DTWD2: variants seen among roughly 807,000 people sequenced by gnomAD.
The protein encoded by DTWD2 is DTW motif tRNA-uridine aminocarboxypropyltransferase 2.
In DTWD2, 39 loss-of-function variants were observed where a neutral mutation model predicts 31.8. The ratio of observed to expected loss-of-function variants is 1.22; its 90% CI spans 0.95 to 1.60. DTWD2 has a LOEUF of 1.60. Ranked by LOEUF, DTWD2 falls within the 40% of genes most tolerant of loss-of-function variation. DTWD2 has a pLI of 0.00. For missense variants in DTWD2, 515 were observed against 381.5 expected (o/e 1.35, Z -2.92); for synonymous variants, 180 against 142.8 (o/e 1.26, Z -1.86).
intron 3 of DTWD2, among the ~76,000 whole-genome samples, chr5:118,937,300 G>T (rs1754064388): frequency 6.7e-6 from 1 of 149,784 alleles, no homozygotes; most frequent in Non-Finnish European, 1.5e-5. Flanking sequence ...ACTGATAAAT[G>T]ACATTGTATA....
chr5:118,960,492 G>A (rs1754681348), intron 1 of DTWD2, among the ~76,000 whole-genome samples: 1 of 152,178 alleles, frequency 6.6e-6, no homozygotes, highest in Admixed American at 6.5e-5. Context: ...ATGTAAATTA[G>A]CTCAGACACT....
At chr5:118,893,406 C>T (rs371836851) in intron 4 of DTWD2, among the ~76,000 whole-genome samples, 2 of 143,274 alleles carry the variant, frequency 1.4e-5, no homozygotes, top group Non-Finnish European at 1.5e-5. Context: ...TAAATGTATA[C>T]GTGTGTGTGT....
At chr5:118,944,807 G>C (rs11959853) in intron 1 of DTWD2, among the ~76,000 whole-genome samples, 158 bp from the exon 2 acceptor site, 3,732 of 152,174 alleles carry the variant, frequency 0.025, 163 homozygotes, top group African/African-American at 0.084. Context: ...TAATCAATCA[G>C]ACTTTAGACA....
At chr5:118,916,091 T>C (rs576435466) in intron 4 of DTWD2, among the ~76,000 whole-genome samples, 10 of 152,238 alleles carry the variant, frequency 6.6e-5, no homozygotes, top group Admixed American at 2.0e-4. Flanking sequence ...ACTTGAGAAA[T>C]TGGTTGAAGA....
chr5:118,978,953 C>T (rs972403066), intron 1 of DTWD2, among the ~76,000 whole-genome samples: 17 of 151,730 alleles, frequency 1.1e-4, no homozygotes, highest in African/African-American at 4.1e-4. Context: ...TTGCAGTGAG[C>T]CAAGATCACA....
At chr5:118,847,498 A>G (rs1751885657) in intron 5 of DTWD2, among the ~76,000 whole-genome samples, 1 of 152,178 alleles carries the variant, frequency 6.6e-6, no homozygotes, top group Non-Finnish European at 1.5e-5. Flanking sequence ...TAGTAAGCAC[A>G]CTGAAACATT....
intron 1 of DTWD2, among the ~76,000 whole-genome samples, chr5:118,964,612 G>C (rs146562375): frequency 1.1e-4 from 16 of 152,240 alleles, no homozygotes; most frequent in Middle Eastern, 6.8e-3. Flanking sequence ...ACTGGTTTTC[G>C]TATTTTTTTG....
At chr5:118,882,916 T>A (rs1308072644) in intron 4 of DTWD2, among the ~76,000 whole-genome samples, 2 of 152,276 alleles carry the variant, frequency 1.3e-5, no homozygotes, top group African/African-American at 4.8e-5. Context: ...TCATTACTTA[T>A]GCAAATTTAT....
intron 2 of DTWD2, among the ~76,000 whole-genome samples, chr5:118,940,691 A>T (rs959413151): frequency 2.6e-5 from 4 of 152,234 alleles, no homozygotes; most frequent in African/African-American, 9.6e-5. Flanking sequence ...TTTACTAATG[A>T]GGAAACTGAA....
rs1751654036 is a variant in DTWD2 at position 118,839,349 on chromosome 5, AGTTT to A, written c.*1564_*1567del. 1 of 151,916 alleles carries A rather than the reference AGTTT, an allele frequency of 6.6e-6. No individual in the cohort carries two copies. Among genetic ancestry groups the A allele is most frequent in the Admixed American group, 6.6e-5 (1 of 15,226 alleles). 9.4% of individuals were successfully genotyped at this position (151,916 alleles called of 1,614,324 possible). A position where few individuals can be genotyped will look rare whatever the true frequency, so the allele number is the denominator to read the frequency against. On this transcript the variant is annotated 3_prime_UTR_variant, in exon 6 of 6. Coordinates refer to ENST00000510708, the MANE Select transcript of DTWD2 (RefSeq NM_173666.4). ...AAGTGCTTTACATTGTAAATGAGCT[AGTTT>A]GTTTATTTATTTATTTATTTTAGAC...
rs916201844 is a variant in DTWD2, at chr5:118,956,155, C to T, written c.219-11506G>A. 3.9e-5 allele frequency among the ~76,000 whole-genome samples: 6 copies of T among 152,182 alleles called. No homozygotes were observed. The South Asian group carries it at 6.2e-4, about 16-fold the overall frequency. On this transcript the variant is annotated intron_variant, in intron 1 of 5. Transcript: ENST00000510708. ...GAATAACTACTGCATTACAGGCAAA[C>T]ATTCTGGCTATTATTTTGAGCTAAT...
chr5:118,842,846 C>T (rs1751750990), intron 5 of DTWD2, among the ~76,000 whole-genome samples: 1 of 151,326 alleles, frequency 6.6e-6, no homozygotes, highest in South Asian at 2.1e-4. Context: ...ACTCGGGAGG[C>T]TGAGGCAGGA....
At chr5:118,973,932 A>T in intron 1 of DTWD2, 1 of 1,596,196 alleles carries the variant, frequency 6.3e-7, no homozygotes, top group Non-Finnish European at 8.6e-7. Context: ...AATGGGGAGC[A>T]GGAGGCTGAC....
intron 2 of DTWD2, among the ~76,000 whole-genome samples, chr5:118,943,228 C>A (rs1162586094): frequency 6.6e-6 from 1 of 152,124 alleles, no homozygotes; most frequent in African/African-American, 2.4e-5. Context: ...TTGTCATAAT[C>A]CTGACAAAAG....
At chr5:118,973,928 G>T in intron 1 of DTWD2, 1 of 1,598,164 alleles carries the variant, frequency 6.3e-7, no homozygotes, top group Non-Finnish European at 8.6e-7. Context: ...GGAAAATGGG[G>T]AGCAGGAGGC....
intron 1 of DTWD2, among the ~76,000 whole-genome samples, chr5:118,984,919 T>C (rs1369526894): frequency 6.6e-6 from 1 of 152,166 alleles, no homozygotes; most frequent in African/African-American, 2.4e-5. Flanking sequence ...TTTATCACCA[T>C]CCAGTTGCTT....
rs777629613 is a variant in DTWD2 at position 118,928,594 on chromosome 5, T to C, written c.540A>G (p.Thr180=). ...YPSTIIIIDG[T]WSQAKDIFYK... ...AGAAAATGTCCTTAGCCTGGCTCCA[T>C]GTACCATCAATGATGATGATTGTAG... Residue 180 remains threonine, a synonymous_variant, in exon 4 of 6, where the codon ACA becomes ACG. Coordinates refer to ENST00000510708, the MANE Select transcript of DTWD2 (RefSeq NM_173666.4). The C allele has an allele frequency of 1.8e-5, 29 of 1,590,566 alleles. No homozygotes were observed. The South Asian group carries it at 2.1e-4, about 12-fold the overall frequency.
intron 1 of DTWD2, among the ~76,000 whole-genome samples, chr5:118,981,170 G>A (rs1755291006): frequency 6.6e-6 from 1 of 152,158 alleles, no homozygotes; most frequent in South Asian, 2.1e-4. Context: ...GTAGAATAGA[G>A]GTTACCAGGG....
intron 4 of DTWD2, among the ~76,000 whole-genome samples, chr5:118,884,996 C>CAAAAAAAAAAAAAAAAAA (rs36042211): frequency 2.0e-5 from 1 of 49,750 alleles, no homozygotes; most frequent in African/African-American, 8.3e-5. Context: ...ACTCCATCTC[C>CAAAAAAAAAAAAAAAAAA]AAAAAAAAAA....
Sources: gnomAD v4.1 joint callset for allele counts (sites outside exome capture counted in the v4.1 genomes callset) on GRCh38, gnomAD v4.1.1 for gene constraint, MANE v1.5 for transcripts, NCBI Gene and HGNC (gene_info 2026-07-23, HGNC 2026-07-21) for gene names.